The following EVC2 variants were observed in gnomAD, a reference collection of about 807,000 sequenced individuals.
The protein encoded by EVC2 is limbin.
Under a neutral mutation model 149.3 loss-of-function variants are expected in EVC2, and 148 were observed. The observed-to-expected ratio is 0.99, with a 90% CI of 0.87 to 1.14. The LOEUF is 1.14. EVC2 is among the 50% of genes most tolerant of loss of function. EVC2 has a pLI of 0.00. For missense variants in EVC2, 1,854 were observed against 1,627.3 expected, an observed-to-expected ratio of 1.14 and a Z score of -2.40; for synonymous variants, 776 against 649.9, an observed-to-expected ratio of 1.19 and a Z score of -2.95.
intron 11 of EVC2, 27 bp downstream of exon 11, chr4:5,631,766 T>C (rs761734462): frequency 8.1e-6 from 13 of 1,612,076 alleles, no homozygotes; most frequent in African/African-American, 1.3e-5. Context: ...AAATTACTTT[T>C]CCATCACAGC....
At chr4:5,705,438 C>G (rs886550749) in intron 1 of EVC2, among the ~76,000 whole-genome samples, 2 of 152,038 alleles carry the variant, frequency 1.3e-5, no homozygotes, top group East Asian at 3.9e-4. Flanking sequence ...TTATATTTAT[C>G]AACATTTACT....
chr4:5,645,704 A>G (rs1000274381), intron 9 of EVC2, among the ~76,000 whole-genome samples: 3 of 152,166 alleles, frequency 2.0e-5, no homozygotes, highest in African/African-American at 7.2e-5. Context: ...GCTATTGTGA[A>G]TAGTGCTGCA....
Position 5,576,556 on chromosome 4 carries a change from C to T in EVC2, c.3058-102G>A. The T allele has an allele frequency of 6.5e-7, 1 of 1,531,266 alleles. No homozygotes were observed. Among genetic ancestry groups the T allele is most frequent in the Middle Eastern group, 2.3e-4 (1 of 4,374 alleles). 94.9% of individuals were successfully genotyped at this position (1,531,266 alleles called of 1,614,324 possible). On this transcript the variant is annotated intron_variant, in intron 17 of 21. Transcript: ENST00000344408. This position sits in a 1 kb window ranked among gnomAD's most constrained non-coding sequence, Gnocchi z 4.5. Reference sequence around the variant, plus strand: ...GTGTCTTGCTACAAGTCTGGCATGACTCTGTCTTGCCTGGTTCCCCATCCA... The same window carrying T: ...GTGTCTTGCTACAAGTCTGGCATGATTCTGTCTTGCCTGGTTCCCCATCCA...
intron 7 of EVC2, among the ~76,000 whole-genome samples, chr4:5,673,403 A>C (rs1294097123): frequency 6.6e-6 from 1 of 152,228 alleles, no homozygotes; most frequent in East Asian, 1.9e-4. Flanking sequence ...AGTGGCTGAG[A>C]GCACCAGAAT....
chr4:5,685,440 T>G lies in EVC2; in HGVS notation c.746A>C (p.Gln249Pro), dbSNP rs199907577. The change falls in exon 6 of 22, where the codon CAG (glutamine) becomes CCG (proline). Residue 249 changes from glutamine to proline, a missense_variant. Transcript: ENST00000344408. ...CTCCCCGTTCCCGAGGTCTCCAGCC[T>G]GGAGCGTGGCTGCGTAGCTGACAGC... ...AFAVSYAATL[Q>P]AGDLGNGESL... is the part of the protein sequence containing the mutation. The G allele has an allele frequency of 4.3e-6, 7 of 1,614,076 alleles. No individual in the cohort carries two copies. In the South Asian group the frequency reaches 7.7e-5, roughly 18 times the overall value.
At chr4:5,639,516 T>C (rs527846166) in intron 10 of EVC2, among the ~76,000 whole-genome samples, 1 of 152,344 alleles carries the variant, frequency 6.6e-6, no homozygotes, top group South Asian at 2.1e-4. Context: ...CTGCAGCCCA[T>C]GGGCGCCAGG....
At chr4:5,604,122 G>A (rs1040777327) in intron 16 of EVC2, among the ~76,000 whole-genome samples, 1 of 152,180 alleles carries the variant, frequency 6.6e-6, no homozygotes, top group Non-Finnish European at 1.5e-5. Flanking sequence ...TCACTACAGA[G>A]GGGTGTAGGA....
intron 7 of EVC2, among the ~76,000 whole-genome samples, chr4:5,667,474 C>T (rs957221933): frequency 1.3e-5 from 2 of 152,164 alleles, no homozygotes; most frequent in African/African-American, 4.8e-5. Flanking sequence ...TCAACTTCTT[C>T]CTGTTTTCAA....
In EVC2 at chr4:5,698,102, C is replaced by T. The variant is rs572357849; in HGVS notation, c.229-455G>A. Among the ~76,000 whole-genome samples, 10 of 152,222 alleles carry T rather than the reference C, an allele frequency of 6.6e-5. No individual in the cohort carries two copies. In the East Asian group the frequency reaches 1.7e-3, roughly 26 times the overall value. On this transcript the variant is annotated intron_variant, in intron 1 of 21. Coordinates refer to ENST00000344408, the MANE Select transcript of EVC2 (RefSeq NM_147127.5). ...GTGAAGTAAACTTTTCTAAGTCGGCCATTCCCGGCAGCTTCTGAGTAAAGA... is the reference window on the plus strand; with the variant it reads ...GTGAAGTAAACTTTTCTAAGTCGGCTATTCCCGGCAGCTTCTGAGTAAAGA...
In EVC2 at chr4:5,677,663, CT is replaced by C. The variant is rs1485628862; in HGVS notation, c.870+3596del. ...TGAGCATTCTCTGCCTTTTATTACA[CT>C]CATACAGCAACCAGCCACCTCCTCC... On this transcript the variant is annotated intron_variant, in intron 7 of 21. Coordinates refer to ENST00000344408, the MANE Select transcript of EVC2 (RefSeq NM_147127.5). This position sits in a 1 kb window ranked among gnomAD's most constrained non-coding sequence, Gnocchi z 4.3. Among the ~76,000 whole-genome samples, 2 of 152,226 alleles carry C rather than the reference CT, an allele frequency of 1.3e-5. No homozygotes were observed. Among genetic ancestry groups the C allele is most frequent in the Non-Finnish European group, 2.9e-5 (2 of 68,038 alleles).
Position 5,665,667 on chromosome 4 carries a change from G to C in EVC2, c.871-18C>G. 6.2e-7 allele frequency: 1 copy of C among 1,613,702 alleles called. No homozygotes were observed. The highest frequency in any genetic ancestry group is 1.7e-5 in the Admixed American group (1 of 59,968). ...GGCAGAACCTGTGGAGACAAGAGGAGAGCAGGATTCATGTGTGGTCAGACA... is the reference window on the plus strand; with the variant it reads ...GGCAGAACCTGTGGAGACAAGAGGACAGCAGGATTCATGTGTGGTCAGACA... On this transcript the variant is annotated intron_variant, in intron 7 of 21. Transcript: ENST00000344408.
At chr4:5,601,999 G>A (rs1192510210) in intron 16 of EVC2, among the ~76,000 whole-genome samples, 1 of 152,210 alleles carries the variant, frequency 6.6e-6, no homozygotes, top group Non-Finnish European at 1.5e-5. Flanking sequence ...ATAAAGCTGG[G>A]CATGGTGGCT....
rs751690782 is a variant in EVC2, at chr4:5,618,582, G to A, written c.2602C>T (p.Leu868Phe). 1.2e-6 allele frequency: 2 copies of A among 1,614,116 alleles called. No individual in the cohort carries two copies. The highest frequency in any genetic ancestry group is 1.7e-6 in the Non-Finnish European group (2 of 1,180,014). The change falls in exon 15 of 22, where the codon CTC (leucine) becomes TTC (phenylalanine). Residue 868 changes from leucine (L) to phenylalanine (F), a missense_variant. Leu to Phe is a conservative substitution (Grantham distance 22). Coordinates refer to ENST00000344408, the MANE Select transcript of EVC2 (RefSeq NM_147127.5). This position sits in a 1 kb window ranked among gnomAD's most constrained non-coding sequence, Gnocchi z 4.4. ...AGAACTCGGGCCCGGATCTTGGGGA[G>A]GGCCAAGCTCCTGTCCATCTGAGCA... Reference protein sequence around the residue: ...CFAQMDRSLALPKIRARVLLQ... With the variant: ...CFAQMDRSLAFPKIRARVLLQ...
At chr4:5,560,039 C>T (rs1311495049), downstream of EVC2, among the ~76,000 whole-genome samples, 1 of 151,992 alleles carries the variant, frequency 6.6e-6, no homozygotes, top group Non-Finnish European at 1.5e-5. This position sits in a 1 kb window ranked among gnomAD's most constrained non-coding sequence, Gnocchi z 4.1. Context: ...TTCGTATGTG[C>T]GTCTCACACC....
intron 16 of EVC2, among the ~76,000 whole-genome samples, chr4:5,599,465 G>C (rs190938774): frequency 2.4e-4 from 36 of 152,058 alleles, no homozygotes; most frequent in African/African-American, 4.6e-4. Context: ...GTAAACTATC[G>C]CAAGAACAAA....
At chr4:5,605,136 TTTATG>T (rs1426167311) in intron 16 of EVC2, among the ~76,000 whole-genome samples, 4 of 152,218 alleles carry the variant, frequency 2.6e-5, no homozygotes, top group African/African-American at 9.6e-5. Context: ...TACTCAACTG[TTTATG>T]TTATTTGTAA....
At chr4:5,645,853 G>C (rs1717674990) in intron 9 of EVC2, among the ~76,000 whole-genome samples, 1 of 152,194 alleles carries the variant, frequency 6.6e-6, no homozygotes, top group South Asian at 2.1e-4. Flanking sequence ...TTTCCACAAT[G>C]ATTAAACTAG....
the EVC2 span, among the ~76,000 whole-genome samples, chr4:5,530,300 G>A: frequency 2.6e-5 from 4 of 152,170 alleles, no homozygotes; most frequent in African/African-American, 9.6e-5. Context: ...CAGACATTGT[G>A]CCTGCAGGCT....
chr4:5,537,030 G>A, the EVC2 span, among the ~76,000 whole-genome samples: 1 of 152,146 alleles, frequency 6.6e-6, no homozygotes, highest in Non-Finnish European at 1.5e-5. Context: ...TTCCCACTTG[G>A]AAAATATTTT....
Sources: gnomAD v4.1 joint callset for allele counts (sites outside exome capture counted in the v4.1 genomes callset) on GRCh38, gnomAD v4.1.1 for gene constraint, Gnocchi (gnomAD v3.1) non-coding constraint, MANE v1.5 for transcripts, NCBI Gene and HGNC (gene_info 2026-07-23, HGNC 2026-07-21) for gene names.